Variants in EBF1 observed in about 807,000 individuals in gnomAD.
EBF1 encodes transcription factor COE1.
EBF1 carries 10 observed loss-of-function variants against 68.4 expected under a neutral mutation model. The observed-to-expected ratio is 0.15, with a 90% CI of 0.09 to 0.25. The LOEUF is 0.25. EBF1 is among the 10% of genes least tolerant of loss of function. EBF1 has a pLI of 1.00. For synonymous variants in EBF1, 298 were observed against 299.8 expected, an observed-to-expected ratio of 0.99 and a Z score of 0.06; for missense variants, 509 against 794.4, an observed-to-expected ratio of 0.64 and a Z score of 4.32.
chr5:158,819,858 A>G (rs528155437), intron 8 of EBF1, among the ~76,000 whole-genome samples: 18 of 152,290 alleles, frequency 1.2e-4, no homozygotes, highest in Middle Eastern at 3.4e-3. Context: ...GTACGGGGGA[A>G]GACCATTTTC....
chr5:158,869,578 A>AAC (rs3035120), intron 6 of EBF1, among the ~76,000 whole-genome samples: 1,509 of 145,260 alleles, frequency 0.01, 11 homozygotes, highest in African/African-American at 0.018. Flanking sequence ...GATCCTAATA[A>AAC]ACACACACAC....
chr5:158,888,283 T>C (rs1800445023), intron 6 of EBF1, among the ~76,000 whole-genome samples: 1 of 152,084 alleles, frequency 6.6e-6, no homozygotes, highest in Non-Finnish European at 1.5e-5. Context: ...TGCGTGTGTG[T>C]GTGTTTGTTG....
intron 10 of EBF1, among the ~76,000 whole-genome samples, chr5:158,736,994 A>C (rs1765314702): frequency 6.6e-6 from 1 of 152,104 alleles, no homozygotes; most frequent in South Asian, 2.1e-4. Flanking sequence ...ACACCAGGTC[A>C]CCTCTTCCGT....
At chr5:158,857,226 C>A (rs1430490163) in intron 6 of EBF1, among the ~76,000 whole-genome samples, 1 of 151,750 alleles carries the variant, frequency 6.6e-6, no homozygotes, top group Non-Finnish European at 1.5e-5. Flanking sequence ...TCTCTCCTGG[C>A]AAACTTTCTC....
chr5:158,944,245 C>A (rs1307503415), intron 6 of EBF1, among the ~76,000 whole-genome samples: 2 of 152,040 alleles, frequency 1.3e-5, no homozygotes, highest in African/African-American at 2.4e-5. Context: ...CAGGCCCCAG[C>A]ATGTGATGTT....
At position 158,698,848 on chromosome 5, in the gene EBF1, G is replaced by A. The variant is rs1010949092; in HGVS notation, c.*263C>T. On this transcript the variant is annotated 3_prime_UTR_variant, in exon 16 of 16. Coordinates refer to ENST00000313708, the MANE Select transcript of EBF1 (RefSeq NM_024007.5). Reference sequence around the variant, plus strand: ...AAAAAAAAAAAGAAAAAGAAAAAGTGGATTTGCTTTTGTCAATACAGAATA... The same window carrying A: ...AAAAAAAAAAAGAAAAAGAAAAAGTAGATTTGCTTTTGTCAATACAGAATA... 2.8e-6 allele frequency: 1 copy of A among 357,054 alleles called. No individual in the cohort carries two copies. The highest frequency in any genetic ancestry group is 5.0e-6 in the Non-Finnish European group (1 of 199,678). 22.1% of individuals were successfully genotyped at this position (357,054 alleles called of 1,614,324 possible). A position where few individuals can be genotyped will look rare whatever the true frequency, so the allele number is the denominator to read the frequency against.
chr5:158,751,418 A>G (rs1422010582), intron 10 of EBF1, among the ~76,000 whole-genome samples: 1 of 152,082 alleles, frequency 6.6e-6, no homozygotes, highest in Non-Finnish European at 1.5e-5. Context: ...CTCTCCACTT[A>G]CAGGCAGAGT....
At chr5:158,782,609 C>T (rs140039915) in intron 9 of EBF1, among the ~76,000 whole-genome samples, 60 of 152,084 alleles carry the variant, frequency 3.9e-4, no homozygotes, top group African/African-American at 1.3e-3. Context: ...TGCAGTAAGT[C>T]GTGATTGTGC....
chr5:159,059,370 A>G (rs1336390390), intron 6 of EBF1, among the ~76,000 whole-genome samples: 1 of 152,210 alleles, frequency 6.6e-6, no homozygotes, highest in Non-Finnish European at 1.5e-5. Flanking sequence ...GATGAAAAAA[A>G]AAAAACTAAC....
At chr5:158,766,831 T>G (rs1362206415) in intron 10 of EBF1, among the ~76,000 whole-genome samples, 2 of 152,182 alleles carry the variant, frequency 1.3e-5, no homozygotes, top group African/African-American at 2.4e-5. Flanking sequence ...ATAAACCTAT[T>G]GTGACTTGCT....
chr5:158,785,625 C>T (rs536727578), intron 9 of EBF1, among the ~76,000 whole-genome samples: 2 of 152,280 alleles, frequency 1.3e-5, no homozygotes, highest in East Asian at 3.9e-4. Flanking sequence ...TTCTGGTTTC[C>T]TTTTGTCCTT....
At chr5:158,777,631 C>T in intron 9 of EBF1, 92 bp from the exon 10 acceptor site, 1 of 1,333,144 alleles carries the variant, frequency 7.5e-7, no homozygotes, top group South Asian at 1.7e-5. Flanking sequence ...AGCTTTAAAA[C>T]ACATAATTAA....
intron 7 of EBF1, 46 bp from the exon 8 acceptor site, chr5:158,823,363 G>T (rs199846004): frequency 7.0e-6 from 11 of 1,562,988 alleles, no homozygotes; most frequent in Admixed American, 1.9e-5. Flanking sequence ...ATATAAAAGC[G>T]TGGTGGGTAA....
chr5:158,995,808 A>C lies in EBF1; in HGVS notation c.554+77588T>G, dbSNP rs137856178. Among the ~76,000 whole-genome samples, 145 of 152,280 alleles carry C rather than the reference A, an allele frequency of 9.5e-4. 1 individual carries two copies. In the East Asian group the frequency reaches 0.026, roughly 27 times the overall value. On this transcript the variant is annotated intron_variant, in intron 6 of 15. Transcript: ENST00000313708. ...CAGTGCACTCTGTGCTACTCCACCT[A>C]TGGGGAGGGTGGCCCTTGCCTGAAA...
At chr5:158,923,960 T>C (rs1809019221) in intron 6 of EBF1, among the ~76,000 whole-genome samples, 1 of 152,256 alleles carries the variant, frequency 6.6e-6, no homozygotes, top group African/African-American at 2.4e-5. Flanking sequence ...TACTTGAAAC[T>C]ACATTCACAC....
Position 159,095,674 on chromosome 5 carries a change from C to A in EBF1, c.357G>T (p.Gly119=). The change falls in exon 4 of 16, where the codon GGG becomes GGT. Residue 119 remains glycine (G), a splice_region_variant and synonymous_variant. Coordinates refer to ENST00000313708, the MANE Select transcript of EBF1 (RefSeq NM_024007.5). The part of the protein sequence containing the change: ...HYRLQLLYSN[G]IRTEQDFYVR... The stretch of plus-strand genomic sequence containing the variant: ...CGTAGAAATCCTGCTCCGTCCTTAT[C>A]CCTAGGGTTGGAAATGGGGGAAGGG... 1.2e-6 allele frequency: 2 copies of A among 1,614,048 alleles called. No homozygotes were observed. The highest frequency in any genetic ancestry group is 8.5e-7 in the Non-Finnish European group (1 of 1,179,974).
Position 158,714,120 on chromosome 5 carries a change from G to A in EBF1, c.1188C>T (p.Asn396=), listed in dbSNP as rs1760092546. 1 of 1,614,056 alleles carries A rather than the reference G, an allele frequency of 6.2e-7. No individual in the cohort carries two copies. The highest frequency in any genetic ancestry group is 1.1e-5 in the South Asian group (1 of 91,084). The change falls in exon 12 of 16, where the codon AAC becomes AAT. Residue 396 remains asparagine (N), a synonymous_variant. Coordinates refer to ENST00000313708, the MANE Select transcript of EBF1 (RefSeq NM_024007.5). ...VEALYGMPHN[N]QEIILKRAAD... is the part of the protein sequence containing the mutation. Reference sequence around the variant, plus strand: ...GCTAGACACCCACAGCGCTCACCTGGTTGTTGTGTGGCATCCCATACAGTG... The same window carrying A: ...GCTAGACACCCACAGCGCTCACCTGATTGTTGTGTGGCATCCCATACAGTG...
At chr5:158,975,703 C>T (rs1756594976) in intron 6 of EBF1, among the ~76,000 whole-genome samples, 1 of 152,194 alleles carries the variant, frequency 6.6e-6, no homozygotes, top group South Asian at 2.1e-4. Flanking sequence ...GAAACTTATC[C>T]ACAGCCACAT....
At chr5:158,858,513 T>G (rs575044142) in intron 6 of EBF1, among the ~76,000 whole-genome samples, 15 of 152,274 alleles carry the variant, frequency 9.9e-5, no homozygotes, top group African/African-American at 1.7e-4. Flanking sequence ...AAGTATAAAG[T>G]AAAGAAACCA....
Sources: allele counts gnomAD v4.1 joint callset (sites outside exome capture counted in the v4.1 genomes callset), GRCh38; gene constraint gnomAD v4.1.1; transcripts MANE v1.5; gene names NCBI Gene and HGNC (gene_info 2026-07-23, HGNC 2026-07-21).